ANXA7: variants seen among roughly 807,000 people sequenced by gnomAD.
The protein encoded by ANXA7 is annexin VII.
Under a neutral mutation model 64.9 loss-of-function variants are expected in ANXA7, and 55 were observed. That is an observed-to-expected ratio of 0.85 (90% CI 0.68 to 1.06). The LOEUF (loss-of-function observed/expected upper bound fraction) is 1.06, where lower values mean the gene tolerates loss of function less well. ANXA7 is among the 50% of genes least tolerant of loss of function. The pLI is 0.00. For missense variants in ANXA7, 548 were observed against 582.1 expected (o/e 0.94, Z 0.60); for synonymous variants, 200 against 192.4 (o/e 1.04, Z -0.33).
rs1252397830 is a variant in ANXA7, at chr10:73,380,178, A to G, written c.942T>C (p.Ser314=). Residue 314 remains serine (S), a synonymous_variant, in exon 10 of 13, where the codon AGT becomes AGC. Coordinates refer to ENST00000372921, the MANE Select transcript of ANXA7 (RefSeq NM_001156.5). ...CTTCCTGAGCCATTTGGTGGTTTAT[A>G]CTCTGGTTCTCATCACGATTTCCCT... ...MCQGNRDENQ[S]INHQMAQEDA... 1 of 1,611,108 alleles carries G rather than the reference A, an allele frequency of 6.2e-7. No individual in the cohort carries two copies. The highest frequency in any genetic ancestry group is 8.5e-7 in the Non-Finnish European group (1 of 1,179,320).
chr10:73,390,327 A>G (rs980042629), intron 5 of ANXA7, among the ~76,000 whole-genome samples: 6 of 152,098 alleles, frequency 3.9e-5, no homozygotes, highest in Non-Finnish European at 7.4e-5. Context: ...TCAAGATAAC[A>G]CTTTTATGGG....
intron 1 of ANXA7, among the ~76,000 whole-genome samples, chr10:73,403,573 C>A (rs1167450595): frequency 1.3e-5 from 2 of 152,198 alleles, no homozygotes; most frequent in South Asian, 2.1e-4. Flanking sequence ...TGGCAGACAT[C>A]TGAGTTATTT....
intron 1 of ANXA7, among the ~76,000 whole-genome samples, chr10:73,411,712 G>C (rs528930101): frequency 4.6e-5 from 7 of 152,244 alleles, no homozygotes; most frequent in African/African-American, 1.7e-4. Flanking sequence ...GATTACAGGC[G>C]TGAGCCACTG....
At chr10:73,382,293 T>A (rs959748831) in intron 9 of ANXA7, among the ~76,000 whole-genome samples, 1 of 151,778 alleles carries the variant, frequency 6.6e-6, no homozygotes. Context: ...GTCATTTACA[T>A]AATCTCTTTC....
chr10:73,400,447 A>G (rs76347812), intron 2 of ANXA7, among the ~76,000 whole-genome samples: 6,847 of 152,292 alleles, frequency 0.045, 469 homozygotes, highest in African/African-American at 0.15. Context: ...TCCATGTTTT[A>G]CTGGCTCATA....
chr10:73,409,029 T>G (rs2055801872), intron 1 of ANXA7, among the ~76,000 whole-genome samples: 1 of 152,018 alleles, frequency 6.6e-6, no homozygotes, highest in African/African-American at 2.4e-5. Context: ...CTCAAAATAA[T>G]AAAAGCCATA....
At chr10:73,398,687 C>A (rs2055615269) in intron 2 of ANXA7, among the ~76,000 whole-genome samples, 1 of 151,172 alleles carries the variant, frequency 6.6e-6, no homozygotes, top group Non-Finnish European at 1.5e-5. Flanking sequence ...AAAAAAAAAA[C>A]TCATCAGTTC....
chr10:73,375,308 AG>A lies in ANXA7; in HGVS notation c.*786del, dbSNP rs2055152832. On this transcript the variant is annotated 3_prime_UTR_variant, in exon 13 of 13. Coordinates refer to ENST00000372921, the MANE Select transcript of ANXA7 (RefSeq NM_001156.5). The stretch of plus-strand genomic sequence containing the variant: ...AACACTTAAAATTTGCTAAGGTAGT[AG>A]ATCTTAAGTGTTTTCACCACACATG... 6.6e-6 allele frequency: 1 copy of A among 152,220 alleles called. No homozygotes were observed. The highest frequency in any genetic ancestry group is 2.4e-5 in the African/African-American group (1 of 41,458). 9.4% of individuals were successfully genotyped at this position (152,220 alleles called of 1,614,324 possible). A position where few individuals can be genotyped will look rare whatever the true frequency, so the allele number is the denominator to read the frequency against.
chr10:73,381,569 C>T (rs1018187509), intron 9 of ANXA7: 1 of 152,166 alleles, frequency 6.6e-6, no homozygotes, highest in Admixed American at 6.5e-5. Context: ...GAATATAACA[C>T]AGGAAAAGGT....
intron 1 of ANXA7, among the ~76,000 whole-genome samples, chr10:73,412,659 A>C (rs1191900256): frequency 3.3e-5 from 5 of 151,300 alleles, no homozygotes; most frequent in Non-Finnish European, 7.4e-5. Flanking sequence ...ACGCCCAGCT[A>C]ATTTTTGTAT....
At chr10:73,404,056 A>G (rs2055714798) in intron 1 of ANXA7, among the ~76,000 whole-genome samples, 1 of 152,250 alleles carries the variant, frequency 6.6e-6, no homozygotes. Flanking sequence ...AAAAATAATT[A>G]GCATGAAGTT....
At chr10:73,413,908 C>G (rs577321990) in intron 1 of ANXA7, 104 bp downstream of exon 1, 35 of 153,264 alleles carry the variant, frequency 2.3e-4, no homozygotes, top group African/African-American at 8.4e-4. Context: ...CACTGCCCTC[C>G]AGCCGCGCCC....
Position 73,387,731 on chromosome 10 carries a change from C to G in ANXA7, c.591G>C (p.Gln197His), listed in dbSNP as rs1188366670. Residue 197 changes from glutamine (Q) to histidine (H), a missense_variant, in exon 7 of 13, where the codon CAG becomes CAC. Transcript: ENST00000372921. The part of the protein sequence containing the change: ...VDVVANRSND[Q>H]RQKIKAAFKT... ...TAAATGCTGCTTTAATTTTTTGCCTCTGATCATTGGAACGGTTGGCCACCA... is the reference window on the plus strand; with the variant it reads ...TAAATGCTGCTTTAATTTTTTGCCTGTGATCATTGGAACGGTTGGCCACCA... 3.1e-6 allele frequency: 5 copies of G among 1,613,944 alleles called. No individual in the cohort carries two copies. Among genetic ancestry groups the G allele is most frequent in the Non-Finnish European group, 4.2e-6 (5 of 1,180,016 alleles).
chr10:73,393,057 AACAG>A (rs1190641722), intron 5 of ANXA7, among the ~76,000 whole-genome samples: 1 of 152,154 alleles, frequency 6.6e-6, no homozygotes, highest in Non-Finnish European at 1.5e-5. Flanking sequence ...ATACACCAAT[AACAG>A]ACAAACAGAG....
Position 73,398,262 on chromosome 10 carries a change from A to G in ANXA7, c.178T>C (p.Tyr60His). ...PSSGYPGAGGYPAPGGYPAPG... is the reference protein window; with the variant it reads ...PSSGYPGAGGHPAPGGYPAPG... ...GCTGGATAACCTCCAGGCGCAGGGTAGCCTCCAGCTCCTGGGTAGCCACTA... is the reference window on the plus strand; with the variant it reads ...GCTGGATAACCTCCAGGCGCAGGGTGGCCTCCAGCTCCTGGGTAGCCACTA... The change falls in exon 3 of 13, where the codon TAC (tyrosine) becomes CAC (histidine). Residue 60 changes from tyrosine (Y) to histidine (H), a missense_variant. Transcript: ENST00000372921. 6.2e-7 allele frequency: 1 copy of G among 1,614,092 alleles called. No individual in the cohort carries two copies. Among genetic ancestry groups the G allele is most frequent in the South Asian group, 1.1e-5 (1 of 91,068 alleles).
At chr10:73,403,906 CTACT>C (rs2055712456) in intron 1 of ANXA7, among the ~76,000 whole-genome samples, 1 of 152,130 alleles carries the variant, frequency 6.6e-6, no homozygotes, top group Non-Finnish European at 1.5e-5. Flanking sequence ...GTGAACGTAC[CTACT>C]TAAGGATGTT....
At chr10:73,387,844 ATCTTT>A in intron 6 of ANXA7, 61 bp from the exon 7 acceptor site, 1 of 957,400 alleles carries the variant, frequency 1.0e-6, no homozygotes, top group African/African-American at 1.8e-5. Context: ...GCTTGAGGTC[ATCTTT>A]TTTTTTTTTT....
intron 7 of ANXA7, among the ~76,000 whole-genome samples, chr10:73,385,723 T>C (rs982389528): frequency 7.9e-5 from 12 of 151,990 alleles, no homozygotes; most frequent in African/African-American, 2.2e-4. Context: ...GAAAATATCT[T>C]TGTGAGAATA....
chr10:73,405,003 C>G (rs1438673853), intron 1 of ANXA7, among the ~76,000 whole-genome samples: 1 of 151,740 alleles, frequency 6.6e-6, no homozygotes, highest in African/African-American at 2.4e-5. Flanking sequence ...AATCCCAACA[C>G]TTTGGGAGGC....
Sources: gnomAD v4.1 joint callset for allele counts (sites outside exome capture counted in the v4.1 genomes callset) on GRCh38, gnomAD v4.1.1 for gene constraint, MANE v1.5 for transcripts, NCBI Gene and HGNC (gene_info 2026-07-23, HGNC 2026-07-21) for gene names.